The following TSPAN5 variants were observed in gnomAD, a reference collection of about 807,000 sequenced individuals.
TSPAN5 encodes the protein tetraspanin 5.
In TSPAN5, 10 loss-of-function variants were observed where a neutral mutation model predicts 37.1. That is an observed-to-expected ratio of 0.27 (90% CI 0.17 to 0.46). The LOEUF (loss-of-function observed/expected upper bound fraction) is 0.46, where lower values mean the gene tolerates loss of function less well. Among genes scored for constraint, TSPAN5 ranks in the 20% least tolerant of loss-of-function variants. The pLI is 1.00. For missense variants in TSPAN5, 195 were observed against 326.6 expected (o/e 0.60, Z 3.11); for synonymous variants, 110 against 118.9 (o/e 0.93, Z 0.48).
intron 2 of TSPAN5, 41 bp from the exon 3 acceptor site, chr4:98,486,925 G>A (rs749412592): frequency 1.1e-5 from 18 of 1,601,284 alleles, no homozygotes; most frequent in South Asian, 1.0e-4. Context: ...ACGGGGATGT[G>A]GGGTCAGTTT....
chr4:98,622,811 G>C (rs1756513061), intron 1 of TSPAN5, among the ~76,000 whole-genome samples: 1 of 152,114 alleles, frequency 6.6e-6, no homozygotes, highest in Admixed American at 6.6e-5. Context: ...ATAGAAAAGA[G>C]GGGCTTCTGA....
chr4:98,486,408 C>T (rs141387188), intron 3 of TSPAN5: 20 of 210,092 alleles, frequency 9.5e-5, no homozygotes, highest in African/African-American at 3.7e-4. Context: ...TGCATTAAAA[C>T]GGTGGGAAGG....
At chr4:98,648,215 T>C (rs1757110551) in intron 1 of TSPAN5, among the ~76,000 whole-genome samples, 1 of 152,180 alleles carries the variant, frequency 6.6e-6, no homozygotes, top group Non-Finnish European at 1.5e-5. Context: ...GGGAATTCAA[T>C]GAACCTGTCA....
intron 3 of TSPAN5, 148 bp downstream of exon 3, chr4:98,486,590 G>A (rs1028568039): frequency 9.5e-5 from 77 of 810,476 alleles, no homozygotes; most frequent in Non-Finnish European, 1.3e-4. Flanking sequence ...CAGGGCTAGA[G>A]AGCTCTCTCA....
chr4:98,527,820 C>G (rs1211733632), intron 1 of TSPAN5, among the ~76,000 whole-genome samples: 1 of 152,056 alleles, frequency 6.6e-6, no homozygotes, highest in Admixed American at 6.5e-5. Context: ...GAGAACATGC[C>G]AACAGTCGAC....
At chr4:98,477,831 T>A (rs1481740936) in intron 5 of TSPAN5, among the ~76,000 whole-genome samples, 2 of 151,958 alleles carry the variant, frequency 1.3e-5, no homozygotes, top group African/African-American at 4.8e-5. Flanking sequence ...GCTAATTTTT[T>A]AATTTTTTTG....
At chr4:98,570,872 G>A (rs879923130) in intron 1 of TSPAN5, among the ~76,000 whole-genome samples, 3 of 151,850 alleles carry the variant, frequency 2.0e-5, no homozygotes, top group South Asian at 2.1e-4. Flanking sequence ...TCTGAGCAAC[G>A]CGTGCTGGGG....
chr4:98,595,531 G>C (rs1451270116), intron 1 of TSPAN5, among the ~76,000 whole-genome samples: 2 of 127,444 alleles, frequency 1.6e-5, no homozygotes, highest in Non-Finnish European at 3.2e-5. Context: ...TGATGTTAGG[G>C]TGTCAATTTT....
intron 1 of TSPAN5, among the ~76,000 whole-genome samples, chr4:98,514,482 A>G (rs976505194): frequency 2.6e-5 from 4 of 152,238 alleles, no homozygotes; most frequent in Non-Finnish European, 4.4e-5. Flanking sequence ...CAATATGCAG[A>G]AAGTCAATCC....
At chr4:98,634,474 A>G (rs1756812822) in intron 1 of TSPAN5, among the ~76,000 whole-genome samples, 1 of 152,228 alleles carries the variant, frequency 6.6e-6, no homozygotes, top group Admixed American at 6.5e-5. Flanking sequence ...ACAAAAATGT[A>G]CTTTTTCCCC....
chr4:98,631,823 C>T (rs1174376548), intron 1 of TSPAN5, among the ~76,000 whole-genome samples: 1 of 152,206 alleles, frequency 6.6e-6, no homozygotes, highest in South Asian at 2.1e-4. Context: ...CCAAGTCAGA[C>T]AGGAGGAAAC....
At chr4:98,583,205 A>G (rs906472185) in intron 1 of TSPAN5, among the ~76,000 whole-genome samples, 2 of 152,194 alleles carry the variant, frequency 1.3e-5, no homozygotes, top group African/African-American at 4.8e-5. Flanking sequence ...TATTCTTAAG[A>G]ATCCAGAATA....
chr4:98,561,974 G>A (rs1341874457), intron 1 of TSPAN5, among the ~76,000 whole-genome samples: 2 of 152,188 alleles, frequency 1.3e-5, no homozygotes, highest in Non-Finnish European at 2.9e-5. Flanking sequence ...AAACAGCATG[G>A]CAGCTCACAG....
At chr4:98,596,566 G>A (rs1355914024) in intron 1 of TSPAN5, among the ~76,000 whole-genome samples, 10 of 84,724 alleles carry the variant, frequency 1.2e-4, no homozygotes, top group Non-Finnish European at 1.9e-4. Context: ...ATTTTGCAGC[G>A]GGTGGTACCG....
At chr4:98,569,133 A>G (rs1461410121) in intron 1 of TSPAN5, among the ~76,000 whole-genome samples, 1 of 152,150 alleles carries the variant, frequency 6.6e-6, no homozygotes, top group East Asian at 1.9e-4. Context: ...TTTTTATTCC[A>G]TACCAGCCAA....
intron 1 of TSPAN5, among the ~76,000 whole-genome samples, chr4:98,585,800 G>T (rs1322837494): frequency 6.6e-6 from 1 of 152,198 alleles, no homozygotes; most frequent in Admixed American, 6.5e-5. Context: ...CCAGATGGAT[G>T]CCCTTGGCAA....
At chr4:98,505,393 T>G (rs1753454764) in intron 2 of TSPAN5, among the ~76,000 whole-genome samples, 1 of 152,182 alleles carries the variant, frequency 6.6e-6, no homozygotes, top group Non-Finnish European at 1.5e-5. Flanking sequence ...CCTACTGGCC[T>G]TCTTGTTGTT....
chr4:98,606,033 A>T lies in TSPAN5; in HGVS notation c.81+52113T>A, dbSNP rs543191189. On this transcript the variant is annotated intron_variant, in intron 1 of 7. Coordinates refer to ENST00000305798, the MANE Select transcript of TSPAN5 (RefSeq NM_005723.4). ...CACGGCACATTTCTCCAAAAGGGAC[A>T]CTGAACACTTGTTTCTGCACAGCAG... Among the ~76,000 whole-genome samples the T allele has an allele frequency of 2.0e-5, 3 of 152,362 alleles. No homozygotes were observed. The East Asian group carries it at 5.8e-4, about 29-fold the overall frequency.
intron 1 of TSPAN5, among the ~76,000 whole-genome samples, chr4:98,605,363 ATCACCCT>A (rs1756007431): frequency 6.6e-6 from 1 of 152,222 alleles, no homozygotes; most frequent in Non-Finnish European, 1.5e-5. Context: ...ATAATATCGC[ATCACCCT>A]TCCAAAGTTG....
Sources: gnomAD v4.1 joint callset for allele counts (sites outside exome capture counted in the v4.1 genomes callset) on GRCh38, gnomAD v4.1.1 for gene constraint, MANE v1.5 for transcripts, NCBI Gene and HGNC (gene_info 2026-07-23, HGNC 2026-07-21) for gene names.